SNAP23: variants seen among roughly 807,000 people sequenced by gnomAD.
SNAP23 encodes synaptosomal-associated protein 23.
SNAP23 carries 11 observed loss-of-function variants against 29.0 expected under a neutral mutation model. That is an observed-to-expected ratio of 0.38 (90% CI 0.24 to 0.63). The LOEUF is 0.63. Among genes scored for constraint, SNAP23 ranks in the 20% least tolerant of loss-of-function variants. The pLI is 0.58. For missense variants in SNAP23, 220 were observed against 253.9 expected, an observed-to-expected ratio of 0.87 and a Z score of 0.91; for synonymous variants, 60 against 82.9, an observed-to-expected ratio of 0.72 and a Z score of 1.50.
At chr15:42,513,546 C>T (rs2057374861) in intron 4 of SNAP23, 99 bp downstream of exon 4, 2 of 882,742 alleles carry the variant, frequency 2.3e-6, no homozygotes, top group Non-Finnish European at 3.8e-6. Context: ...GGAGAGCCTT[C>T]CCTTTGTAAA....
intron 1 of SNAP23, among the ~76,000 whole-genome samples, chr15:42,503,287 C>T (rs893708659): frequency 2.0e-5 from 3 of 151,782 alleles, no homozygotes; most frequent in Non-Finnish European, 2.9e-5. Context: ...CTGCAACCTC[C>T]GCCTCCCGGG....
intron 1 of SNAP23, among the ~76,000 whole-genome samples, chr15:42,510,875 C>A (rs1196342721): frequency 2.0e-5 from 3 of 151,966 alleles, no homozygotes; most frequent in Non-Finnish European, 4.4e-5. Context: ...ATTAACCAGC[C>A]CCATCACCTG....
At chr15:42,499,992 AAAACTAGCTGGACCT>A (rs1054624819) in intron 1 of SNAP23, among the ~76,000 whole-genome samples, 8 of 152,204 alleles carry the variant, frequency 5.3e-5, no homozygotes, top group African/African-American at 1.9e-4. Flanking sequence ...AATTTTTTAA[AAAACTAGCTGGACCT>A]GGTGCCCAGT....
chr15:42,491,311 T>C (rs1032058911), upstream of SNAP23: 1 of 152,368 alleles, frequency 6.6e-6, no homozygotes, highest in African/African-American at 2.4e-5. Context: ...TACGCAGCGT[T>C]GGACGCTATG....
chr15:42,511,991 C>T, intron 2 of SNAP23, 88 bp downstream of exon 2: 1 of 750,602 alleles, frequency 1.3e-6, no homozygotes, highest in South Asian at 2.2e-5. Flanking sequence ...ACATTTTGGC[C>T]TCTTCCTAGT....
chr15:42,510,308 GTATA>G (rs2057350214), intron 1 of SNAP23, among the ~76,000 whole-genome samples: 1 of 151,870 alleles, frequency 6.6e-6, no homozygotes, highest in South Asian at 2.1e-4. Flanking sequence ...GCTAATTTTT[GTATA>G]TTTGGTAGAG....
At chr15:42,528,047 T>C (rs1029753384) in intron 5 of SNAP23, 9 of 465,720 alleles carry the variant, frequency 1.9e-5, no homozygotes, top group Middle Eastern at 5.8e-4. Context: ...TATTTGGACC[T>C]TTTTAAAATT....
At chr15:42,520,169 G>A (rs1336753711) in intron 5 of SNAP23, among the ~76,000 whole-genome samples, 3 of 148,532 alleles carry the variant, frequency 2.0e-5, no homozygotes, top group Non-Finnish European at 4.4e-5. Context: ...TGCTGCCTCA[G>A]CCTCCCGAGT....
At chr15:42,507,882 T>C (rs1306531777) in intron 1 of SNAP23, among the ~76,000 whole-genome samples, 2 of 147,986 alleles carry the variant, frequency 1.4e-5, no homozygotes, top group African/African-American at 5.2e-5. Flanking sequence ...GGTCCACTTA[T>C]AGGTAAATTT....
Position 42,508,262 on chromosome 15 carries a change from CAAAA to C in SNAP23, c.-14-3559_-14-3556del, listed in dbSNP as rs5812223. ...TGGATGACAGAGTGAAGCCTTGCCT[CAAAA>C]AAAAAAAAAAAGAAAGAAAGAAAGA... is the stretch of plus-strand genomic sequence containing the variant. On this transcript the variant is annotated intron_variant, in intron 1 of 7. Transcript: ENST00000249647. Among the ~76,000 whole-genome samples, 252 of 89,734 alleles carry C rather than the reference CAAAA, an allele frequency of 2.8e-3. 1 individual carries two copies. The highest frequency in any genetic ancestry group is 6.9e-3 in the Middle Eastern group (1 of 144). The allele number at this position is 89,734 out of a possible 152,430, so 58.9% of individuals were successfully genotyped here.
chr15:42,525,315 C>G (rs1356582282), intron 5 of SNAP23, among the ~76,000 whole-genome samples: 1 of 147,092 alleles, frequency 6.8e-6, no homozygotes, highest in Admixed American at 6.8e-5. Flanking sequence ...TTGCAGTGAG[C>G]TGAGATCGTG....
At position 42,521,418 on chromosome 15, in the gene SNAP23, A is replaced by C. The variant is rs909383923; in HGVS notation, c.266+6064A>C. 13 of 971,922 alleles carry C rather than the reference A, an allele frequency of 1.3e-5. No homozygotes were observed. In the African/African-American group the frequency reaches 2.3e-4, roughly 17 times the overall value. 60.2% of individuals were successfully genotyped at this position (971,922 alleles called of 1,614,324 possible). On this transcript the variant is annotated intron_variant, in intron 5 of 7. Transcript: ENST00000249647. ...GAAAAATGAAATGTGCTCTGGTTTA[A>C]ATAGTTTTCTTATTTTTCTTTTTAT...
intron 1 of SNAP23, among the ~76,000 whole-genome samples, chr15:42,498,499 G>T (rs973975001): frequency 2.0e-5 from 3 of 152,168 alleles, no homozygotes; most frequent in Admixed American, 6.5e-5. Context: ...TGGAGCAGCT[G>T]GGACTCAGGG....
At chr15:42,529,057 AG>A (rs1277726919) in intron 6 of SNAP23, among the ~76,000 whole-genome samples, 2 of 152,250 alleles carry the variant, frequency 1.3e-5, no homozygotes, top group African/African-American at 4.8e-5. Context: ...TCCTGTAAGA[AG>A]ATCTGTAACG....
chr15:42,510,404 A>G (rs1004433833), intron 1 of SNAP23, among the ~76,000 whole-genome samples: 4 of 152,148 alleles, frequency 2.6e-5, no homozygotes, highest in Non-Finnish European at 4.4e-5. Flanking sequence ...CCAAAGTGCT[A>G]GGATTCCAGT....
intron 1 of SNAP23, among the ~76,000 whole-genome samples, chr15:42,501,351 T>C (rs1211110274): frequency 1.3e-5 from 2 of 152,210 alleles, no homozygotes; most frequent in African/African-American, 4.8e-5. Flanking sequence ...TTGGACTTGA[T>C]CATACTTGGA....
intron 5 of SNAP23, among the ~76,000 whole-genome samples, chr15:42,525,425 A>G (rs1205146966): frequency 6.8e-6 from 1 of 146,980 alleles, no homozygotes; most frequent in Non-Finnish European, 1.5e-5. Flanking sequence ...TTGTTACAGA[A>G]AGAACATCTT....
At chr15:42,524,286 G>A (rs925608605) in intron 5 of SNAP23, among the ~76,000 whole-genome samples, 3 of 152,022 alleles carry the variant, frequency 2.0e-5, no homozygotes, top group African/African-American at 7.2e-5. Flanking sequence ...AACAACAAAC[G>A]ATTCCCAGGC....
intron 1 of SNAP23, among the ~76,000 whole-genome samples, chr15:42,503,438 C>T (rs1490844616): frequency 4.0e-5 from 6 of 150,086 alleles, no homozygotes; most frequent in African/African-American, 1.5e-4. Context: ...GGCACAATCT[C>T]GACTCACTGC....
Sources: gnomAD v4.1 joint callset for allele counts (sites outside exome capture counted in the v4.1 genomes callset) on GRCh38, gnomAD v4.1.1 for gene constraint, MANE v1.5 for transcripts, NCBI Gene and HGNC (gene_info 2026-07-23, HGNC 2026-07-21) for gene names.